Variants in DBX2 observed in about 807,000 individuals in gnomAD.
DBX2 encodes developing brain homeobox 2.
In DBX2, 16 loss-of-function variants were observed where a neutral mutation model predicts 17.7. The ratio of observed to expected loss-of-function variants is 0.90; its 90% CI spans 0.61 to 1.37. DBX2 has a LOEUF of 1.37. Ranked by LOEUF, DBX2 falls within the 40% of genes most tolerant of loss-of-function variation. The probability of loss-of-function intolerance (pLI) is 0.00; values close to 1 mark genes in which losing one functional copy is unlikely to be tolerated. For synonymous variants in DBX2, 255 were observed against 183.8 expected, an observed-to-expected ratio of 1.39 and a Z score of -3.13; for missense variants, 538 against 433.8, an observed-to-expected ratio of 1.24 and a Z score of -2.13.
chr12:45,042,563 A>C (rs950668679), intron 1 of DBX2, among the ~76,000 whole-genome samples: 5 of 152,212 alleles, frequency 3.3e-5, no homozygotes, highest in Admixed American at 6.5e-5. Flanking sequence ...TAGAAGAGTT[A>C]AATGCAGTTG....
chr12:45,041,129 T>A (rs1203231891), intron 1 of DBX2, among the ~76,000 whole-genome samples: 1 of 147,858 alleles, frequency 6.8e-6, no homozygotes, highest in Non-Finnish European at 1.5e-5. Flanking sequence ...ATAATATTAA[T>A]AAATTAATTA....
At chr12:45,019,740 T>A (rs1254718728) in intron 3 of DBX2, among the ~76,000 whole-genome samples, 1 of 152,060 alleles carries the variant, frequency 6.6e-6, no homozygotes, top group African/African-American at 2.4e-5. Context: ...GATCTGTATG[T>A]ACTGACATGG....
At chr12:45,031,482 T>A (rs1417920918) in intron 2 of DBX2, among the ~76,000 whole-genome samples, 2 of 152,060 alleles carry the variant, frequency 1.3e-5, no homozygotes, top group Non-Finnish European at 2.9e-5. Context: ...ATTCTACACT[T>A]TATATCTATT....
At chr12:45,034,587 A>AT (rs1159596672) in intron 2 of DBX2, among the ~76,000 whole-genome samples, 2 of 152,220 alleles carry the variant, frequency 1.3e-5, no homozygotes, top group African/African-American at 4.8e-5. Flanking sequence ...GTCCCGGTTA[A>AT]TAAAGAATCC....
At chr12:45,018,151 A>C (rs145078710) in intron 3 of DBX2, among the ~76,000 whole-genome samples, 26 of 152,296 alleles carry the variant, frequency 1.7e-4, no homozygotes, top group African/African-American at 5.5e-4. Flanking sequence ...GGTTCTATTC[A>C]TTAACTCATT....
intron 1 of DBX2, among the ~76,000 whole-genome samples, chr12:45,040,190 A>G (rs1435464685): frequency 2.0e-5 from 3 of 152,084 alleles, no homozygotes; most frequent in Non-Finnish European, 4.4e-5. Flanking sequence ...AGGCAGAAAA[A>G]AGTGAAAAGA....
chr12:45,023,060 A>G (rs968258756), intron 3 of DBX2, among the ~76,000 whole-genome samples: 2 of 152,228 alleles, frequency 1.3e-5, no homozygotes, highest in Non-Finnish European at 2.9e-5. Context: ...GTGCCTTATG[A>G]TATTATTTGT....
chr12:45,049,342 G>A (rs1224139017), intron 1 of DBX2, among the ~76,000 whole-genome samples: 2 of 152,120 alleles, frequency 1.3e-5, no homozygotes, highest in African/African-American at 2.4e-5. Context: ...GAACAGAGAG[G>A]CCCAAATTTC....
intron 1 of DBX2, among the ~76,000 whole-genome samples, chr12:45,046,003 C>T (rs747026224): frequency 6.6e-6 from 1 of 152,118 alleles, no homozygotes; most frequent in African/African-American, 2.4e-5. Context: ...TTGCCTGCTC[C>T]ATGTACTCCT....
At chr12:45,048,158 A>G (rs1285091607) in intron 1 of DBX2, among the ~76,000 whole-genome samples, 1 of 152,196 alleles carries the variant, frequency 6.6e-6, no homozygotes, top group Non-Finnish European at 1.5e-5. Flanking sequence ...ACCAAAATGC[A>G]TGCAGAAGCA....
At chr12:45,032,930 A>T (rs1022028768) in intron 2 of DBX2, among the ~76,000 whole-genome samples, 2 of 152,216 alleles carry the variant, frequency 1.3e-5, no homozygotes, top group African/African-American at 4.8e-5. Context: ...ATTTCATGTT[A>T]TTTGAGAAAT....
At chr12:45,045,984 C>T (rs1565587163) in intron 1 of DBX2, among the ~76,000 whole-genome samples, 3 of 152,122 alleles carry the variant, frequency 2.0e-5, no homozygotes. Context: ...AGTTCTAAAA[C>T]CTTCTTATTT....
At chr12:45,039,561 GATT>G (rs1308299896) in intron 1 of DBX2, among the ~76,000 whole-genome samples, 3 of 151,556 alleles carry the variant, frequency 2.0e-5, no homozygotes, top group Non-Finnish European at 4.4e-5. Context: ...TGTTAGAAAT[GATT>G]AACTGTAGGC....
intron 1 of DBX2, among the ~76,000 whole-genome samples, chr12:45,046,524 C>T (rs964522795): frequency 2.0e-5 from 3 of 152,118 alleles, no homozygotes; most frequent in South Asian, 2.1e-4. Flanking sequence ...AGCTCAAATT[C>T]GGACTTAAAA....
chr12:45,039,280 T>C (rs1946457551), intron 1 of DBX2, among the ~76,000 whole-genome samples: 1 of 7,566 alleles, frequency 1.3e-4, no homozygotes, highest in Non-Finnish European at 2.8e-4. Context: ...ATTGAAGGTA[T>C]ATATATATAT....
intron 1 of DBX2, among the ~76,000 whole-genome samples, chr12:45,044,036 T>A (rs1946485892): frequency 6.6e-6 from 1 of 152,238 alleles, no homozygotes; most frequent in African/African-American, 2.4e-5. Flanking sequence ...TAGGTAGTTT[T>A]AAATTTAACC....
chr12:45,016,422 G>A lies in DBX2; in HGVS notation c.884C>T (p.Ser295Phe), dbSNP rs1946323779. 2 of 1,613,930 alleles carry A rather than the reference G, an allele frequency of 1.2e-6. No homozygotes were observed. Among genetic ancestry groups the A allele is most frequent in the East Asian group, 2.2e-5 (1 of 44,878 alleles). The change falls in exon 4 of 4, where the codon TCT becomes TTT. Residue 295 changes from serine (S) to phenylalanine (F), a missense_variant. Transcript: ENST00000332700. ...GATTAGTCTTTCTGAAGGTTCTGGA[G>A]AATTCTCCCTCCATCTTGGACTTGA... is the stretch of plus-strand genomic sequence containing the variant. ...QHSSPRWREN[S>F]PEPSERLIQE...
intron 1 of DBX2, 151 bp from the exon 2 acceptor site, chr12:45,036,265 A>T (rs1231489835): frequency 2.9e-6 from 2 of 690,350 alleles, no homozygotes; most frequent in Non-Finnish European, 4.4e-6. Flanking sequence ...TTTGTCTGTC[A>T]AAGAGCATGC....
At chr12:45,022,505 C>T (rs755620305) in intron 3 of DBX2, among the ~76,000 whole-genome samples, 18 of 151,810 alleles carry the variant, frequency 1.2e-4, no homozygotes, top group Non-Finnish European at 2.1e-4. Flanking sequence ...AGGGTTTCAC[C>T]GTGTTAGCCA....
Sources: gnomAD v4.1 joint callset for allele counts (sites outside exome capture counted in the v4.1 genomes callset) on GRCh38, gnomAD v4.1.1 for gene constraint, MANE v1.5 for transcripts, NCBI Gene and HGNC (gene_info 2026-07-23, HGNC 2026-07-21) for gene names.